CACNA1C: variants seen among roughly 807,000 people sequenced by gnomAD.
CACNA1C encodes calcium voltage-gated channel subunit alpha1 C.
CACNA1C carries 30 observed loss-of-function variants against 229.0 expected under a neutral mutation model. The observed-to-expected ratio is 0.13, with a 90% CI of 0.10 to 0.18. The LOEUF is 0.18. Ranked by LOEUF, CACNA1C falls within the 10% of genes least tolerant of loss-of-function variation. The probability of loss-of-function intolerance (pLI) is 1.00; values close to 1 mark genes in which losing one functional copy is unlikely to be tolerated. For synonymous variants in CACNA1C, 1,114 were observed against 1,132.5 expected (o/e 0.98, Z 0.33); for missense variants, 1,658 against 2,845.0 (o/e 0.58, Z 9.49).
At chr12:2,577,994 G>A (rs575701713) in intron 13 of CACNA1C, among the ~76,000 whole-genome samples, 8 of 150,596 alleles carry the variant, frequency 5.3e-5, no homozygotes, top group African/African-American at 1.2e-4. Flanking sequence ...TCAGCCTCCC[G>A]AGTAGCTGGG....
At chr12:2,383,477 C>G (rs139559116) in intron 3 of CACNA1C, among the ~76,000 whole-genome samples, 1 of 152,034 alleles carries the variant, frequency 6.6e-6, no homozygotes, top group Non-Finnish European at 1.5e-5. Context: ...TCCGGTTGAG[C>G]GAGGGGTCAG....
At chr12:2,267,039 G>A (rs931670036) in intron 3 of CACNA1C, among the ~76,000 whole-genome samples, 5 of 152,116 alleles carry the variant, frequency 3.3e-5, no homozygotes, top group African/African-American at 4.8e-5. Context: ...AAATGTAGCC[G>A]GATTTGTAAT....
chr12:2,346,653 G>A lies in CACNA1C; in HGVS notation c.478-102323G>A, dbSNP rs993065561. Reference sequence around the variant, plus strand: ...TCCAAGCCTGGAGAATGACTGCATCGTCCACCGTGATGAAGTACAGGCTTT... The same window carrying A: ...TCCAAGCCTGGAGAATGACTGCATCATCCACCGTGATGAAGTACAGGCTTT... On this transcript the variant is annotated intron_variant, in intron 3 of 46. Transcript: ENST00000399655. This position sits in a 1 kb window ranked among gnomAD's most constrained non-coding sequence, Gnocchi z 4.4. Among the ~76,000 whole-genome samples the A allele has an allele frequency of 1.3e-5, 2 of 152,230 alleles. No homozygotes were observed. Among genetic ancestry groups the A allele is most frequent in the African/African-American group, 4.8e-5 (2 of 41,518 alleles).
intron 4 of CACNA1C, among the ~76,000 whole-genome samples, chr12:2,453,462 C>G (rs986221821): frequency 1.3e-5 from 2 of 152,176 alleles, no homozygotes; most frequent in Non-Finnish European, 2.9e-5. Flanking sequence ...GTTGAAGAAA[C>G]ACGACCCAGC....
Position 2,285,017 on chromosome 12 carries a change from C to A in CACNA1C, c.478-163959C>A, listed in dbSNP as rs140485606. 3.3e-5 allele frequency among the ~76,000 whole-genome samples: 5 copies of A among 152,156 alleles called. No individual in the cohort carries two copies. Among genetic ancestry groups the A allele is most frequent in the South Asian group, 2.1e-4 (1 of 4,830 alleles). On this transcript the variant is annotated intron_variant, in intron 3 of 46. Transcript: ENST00000399655. This position sits in a 1 kb window ranked among gnomAD's most constrained non-coding sequence, Gnocchi z 4.2. Reference sequence around the variant, plus strand: ...CAGTGAGCGGGGCCTGGGGTAGGGCCGTTCTGCAGATCCTGGGTTGGCTTC... The same window carrying A: ...CAGTGAGCGGGGCCTGGGGTAGGGCAGTTCTGCAGATCCTGGGTTGGCTTC...
At chr12:2,357,478 C>T (rs1227540061) in intron 3 of CACNA1C, among the ~76,000 whole-genome samples, 1 of 152,052 alleles carries the variant, frequency 6.6e-6, no homozygotes, top group Non-Finnish European at 1.5e-5. Context: ...AGTGACATCC[C>T]TCTTGAGCCC....
At chr12:2,451,568 C>T (rs945046765) in intron 4 of CACNA1C, among the ~76,000 whole-genome samples, 22 of 152,282 alleles carry the variant, frequency 1.4e-4, no homozygotes, top group African/African-American at 2.9e-4. Context: ...GAGTAGGCAC[C>T]GAACAGGAGC....
At chr12:2,475,306 AAAAG>A (rs1365057260) in intron 5 of CACNA1C, among the ~76,000 whole-genome samples, 1 of 151,830 alleles carries the variant, frequency 6.6e-6, no homozygotes, top group Non-Finnish European at 1.5e-5. Context: ...CTCAAAAAAA[AAAAG>A]AAAAGAAAAG....
chr12:2,145,531 T>G (rs2094620294), intron 3 of CACNA1C, among the ~76,000 whole-genome samples: 1 of 151,242 alleles, frequency 6.6e-6, no homozygotes, highest in Non-Finnish European at 1.5e-5. Flanking sequence ...CATTGTAGGT[T>G]TATACATGTG....
intron 1 of CACNA1C, among the ~76,000 whole-genome samples, chr12:2,092,009 T>C (rs2071358159): frequency 6.6e-6 from 1 of 152,188 alleles, no homozygotes; most frequent in African/African-American, 2.4e-5. Flanking sequence ...CGCTCTGCCA[T>C]ATCCTCACCT....
At chr12:2,599,122 C>G (rs1485652993) in intron 21 of CACNA1C, among the ~76,000 whole-genome samples, 1 of 152,204 alleles carries the variant, frequency 6.6e-6, no homozygotes, top group Non-Finnish European at 1.5e-5. Context: ...TTCAATGGTG[C>G]TATTTCTCCT....
intron 1 of CACNA1C, among the ~76,000 whole-genome samples, chr12:1,980,721 T>C (rs1048996019): frequency 7.4e-6 from 1 of 135,100 alleles, no homozygotes; most frequent in Non-Finnish European, 1.6e-5. Flanking sequence ...GTTGCTTCTA[T>C]AAAAATGAAA....
At chr12:2,518,994 C>T (rs1470395151) in intron 9 of CACNA1C, among the ~76,000 whole-genome samples, 1 of 152,210 alleles carries the variant, frequency 6.6e-6, no homozygotes, top group African/African-American at 2.4e-5. Context: ...TTACTGAAGT[C>T]AGCACTCAAA....
At chr12:2,209,537 C>T (rs551527262) in intron 3 of CACNA1C, among the ~76,000 whole-genome samples, 17 of 152,176 alleles carry the variant, frequency 1.1e-4, no homozygotes, top group Admixed American at 3.3e-4. Context: ...CTGGTACCAC[C>T]GTCACACAGC....
Position 2,067,894 on chromosome 12 carries a change from C to T in CACNA1C, c.49+14283C>T, listed in dbSNP as rs950039623. ...ATCCAAACCAAGCCCAGCTTCACAG[C>T]CTATGATATTGGCTCTCTGGAGAAC... is the stretch of plus-strand genomic sequence containing the variant. On this transcript the variant is annotated intron_variant, in intron 1 of 46. Transcript: ENST00000399655. This position sits in a 1 kb window ranked among gnomAD's most constrained non-coding sequence, Gnocchi z 5.3. Among the ~76,000 whole-genome samples the T allele has an allele frequency of 3.9e-5, 6 of 152,300 alleles. No individual in the cohort carries two copies. The highest frequency in any genetic ancestry group is 1.4e-4 in the African/African-American group (6 of 41,568).
Position 2,449,543 on chromosome 12 carries a change from A to G in CACNA1C, c.617+428A>G, listed in dbSNP as rs142030557. Among the ~76,000 whole-genome samples, 16 of 152,212 alleles carry G rather than the reference A, an allele frequency of 1.1e-4. No individual in the cohort carries two copies. The East Asian group carries it at 1.4e-3, about 13-fold the overall frequency. On this transcript the variant is annotated intron_variant, in intron 4 of 46. Transcript: ENST00000399655. The stretch of plus-strand genomic sequence containing the variant: ...CTTCCTTCTGTGTTATCTCTTTTCA[A>G]TTTGGTCCTAACTATGCTGGGCTTC...
At chr12:2,509,162 C>CGGGAGGTA (rs2099778080) in intron 8 of CACNA1C, among the ~76,000 whole-genome samples, 1 of 152,098 alleles carries the variant, frequency 6.6e-6, no homozygotes, top group Admixed American at 6.5e-5. Flanking sequence ...GCAGAGGACC[C>CGGGAGGTA]GGGAGGTAGG....
intron 13 of CACNA1C, among the ~76,000 whole-genome samples, chr12:2,572,321 T>TCTTCC (rs2055131315): frequency 1.3e-5 from 1 of 74,234 alleles, no homozygotes; most frequent in Non-Finnish European, 3.1e-5. Context: ...CCTCCTCCTC[T>TCTTCC]TCCTCCTCCT....
At chr12:2,606,530 C>A in intron 24 of CACNA1C, 81 bp from the exon 25 acceptor site, 2 of 1,126,770 alleles carry the variant, frequency 1.8e-6, no homozygotes, top group Non-Finnish European at 2.6e-6. Flanking sequence ...CAGTGCTGGG[C>A]TATGGAGATG....
Sources: allele counts gnomAD v4.1 joint callset (sites outside exome capture counted in the v4.1 genomes callset), GRCh38; gene constraint gnomAD v4.1.1; non-coding constraint Gnocchi (gnomAD v3.1); transcripts MANE v1.5; gene names NCBI Gene and HGNC (gene_info 2026-07-23, HGNC 2026-07-21).